EIF3B: variants seen among roughly 807,000 people sequenced by gnomAD.
EIF3B encodes the protein eukaryotic translation initiation factor 3 subunit 9.
EIF3B carries 10 observed loss-of-function variants against 104.6 expected under a neutral mutation model. The observed-to-expected ratio is 0.10, with a 90% confidence interval of 0.06 to 0.16. EIF3B has a LOEUF of 0.16. Among genes scored for constraint, EIF3B ranks in the 10% least tolerant of loss-of-function variants. EIF3B has a pLI of 1.00. For missense variants in EIF3B, 1,014 were observed against 1,087.9 expected (o/e 0.93, Z 0.96); for synonymous variants, 542 against 417.2 (o/e 1.30, Z -3.65).
At position 2,380,541 on chromosome 7, in the gene EIF3B, G is replaced by T. The variant is rs142858802; in HGVS notation, c.*352G>T. On this transcript the variant is annotated 3_prime_UTR_variant, in exon 19 of 19. Transcript: ENST00000360876. ...GACGCCACTGGCGGCACCTTCTCCT[G>T]CGCCCAGTGATGTTTCCACGGTGCC... 9.2e-3 allele frequency: 3,729 copies of T among 405,452 alleles called. 42 individuals are homozygous for T. The highest frequency in any genetic ancestry group is 9.8e-3 in the Middle Eastern group (23 of 2,358). 25.1% of individuals were successfully genotyped at this position (405,452 alleles called of 1,614,324 possible). A position where few individuals can be genotyped will look rare whatever the true frequency, so the allele number is the denominator to read the frequency against.
chr7:2,355,276 A>G lies in EIF3B; in HGVS notation c.355A>G (p.Ser119Gly), dbSNP rs931512806. ...GEQARDERSD[S>G]RAQAVSEDAG... ...GCAGGCTCGGGACGAGCGCTCCGACAGCCGGGCCCAGGCGGTGTCCGAGGA... is the reference window on the plus strand; with the variant it reads ...GCAGGCTCGGGACGAGCGCTCCGACGGCCGGGCCCAGGCGGTGTCCGAGGA... Residue 119 changes from serine to glycine, a missense_variant, in exon 1 of 19, where the codon AGC becomes GGC. By Grantham distance (56) the Ser-to-Gly change is moderately conservative. This residue lies in a region of EIF3B where 488 missense variants were observed against 404.3 expected (regional missense o/e 1.21). Transcript: ENST00000360876. 4.6e-6 allele frequency: 7 copies of G among 1,533,354 alleles called. No homozygotes were observed. The highest frequency in any genetic ancestry group is 2.4e-5 in the South Asian group (2 of 83,656). 95.0% of individuals were successfully genotyped at this position (1,533,354 alleles called of 1,614,324 possible). A position where few individuals can be genotyped will look rare whatever the true frequency, so the allele number is the denominator to read the frequency against.
chr7:2,378,557 C>T, intron 15 of EIF3B, 132 bp from the exon 16 acceptor site: 2 of 696,070 alleles, frequency 2.9e-6, no homozygotes, highest in Non-Finnish European at 2.5e-6. Context: ...GAGAAAGGAG[C>T]ATGCGAGCGC....
At chr7:2,366,226 G>A (rs886944318) in intron 6 of EIF3B, 91 bp from the exon 7 acceptor site, 5 of 1,397,698 alleles carry the variant, frequency 3.6e-6, no homozygotes, top group African/African-American at 2.9e-5. Flanking sequence ...AGCTGGTTCC[G>A]CGAGTTCTGA....
In EIF3B at chr7:2,362,447, G is replaced by A. The variant is rs1300474121; in HGVS notation, c.693-198G>A. On this transcript the variant is annotated intron_variant, in intron 2 of 18. Transcript: ENST00000360876. ...TGAAACTAGAGACTTCGGATCTTCT[G>A]GTTAGGATTTCCCTGTCACTTAGGA... 2.0e-5 allele frequency among the ~76,000 whole-genome samples: 3 copies of A among 152,318 alleles called. No homozygotes were observed. In the East Asian group the frequency reaches 5.8e-4, roughly 29 times the overall value.
At chr7:2,375,584 G>C (rs1780585908) in intron 14 of EIF3B, 57 bp downstream of exon 14, 14 of 1,609,664 alleles carry the variant, frequency 8.7e-6, no homozygotes, top group Admixed American at 1.7e-5. Context: ...GTGCTGGCTA[G>C]CTGCTGACTC....
chr7:2,378,873 G>A (rs989741772), intron 16 of EIF3B, 107 bp downstream of exon 16: 34 of 1,012,174 alleles, frequency 3.4e-5, no homozygotes, highest in African/African-American at 2.1e-4. Context: ...CCTCTGCTCC[G>A]AAGACACTGG....
chr7:2,361,006 A>G, intron 2 of EIF3B, 104 bp downstream of exon 2: 1 of 926,526 alleles, frequency 1.1e-6, no homozygotes, highest in South Asian at 1.8e-5. Flanking sequence ...TTGCCCAGGC[A>G]CGTGGGCCGT....
At chr7:2,377,193 G>A in intron 15 of EIF3B, 118 bp downstream of exon 15, 1 of 1,342,682 alleles carries the variant, frequency 7.4e-7, no homozygotes, top group Non-Finnish European at 9.9e-7. Flanking sequence ...CGTGACATTT[G>A]CAAGGATTCT....
rs1334775573 is a variant in EIF3B at position 2,379,336 on chromosome 7, TCGG to T, written c.2342-54_2342-52del. On this transcript the variant is annotated intron_variant, in intron 17 of 18. Coordinates refer to ENST00000360876, the MANE Select transcript of EIF3B (RefSeq NM_001037283.2). ...ACTCCTGCGTTCCTTCCCACTGGCC[TCGG>T]CGGTGCCACTAGGCATGTGCCCCCA... The T allele has an allele frequency of 2.6e-6, 4 of 1,553,942 alleles. No homozygotes were observed. The Admixed American group carries it at 7.6e-5, about 29-fold the overall frequency.
chr7:2,367,040 G>C lies in EIF3B; in HGVS notation c.1398G>C (p.Gly466=). The change falls in exon 9 of 19, where the codon GGG becomes GGC. Residue 466 remains glycine (G), a synonymous_variant. Transcript: ENST00000360876. ...ACAAGAAGAGTTTGAAGATCTCTGG[G>C]ATAAAGTGAGTATTCTTATCAGTTT... ...LLDKKSLKIS[G]IKDFSWSPGG... 2.5e-6 allele frequency: 4 copies of C among 1,612,532 alleles called. No homozygotes were observed. Among genetic ancestry groups the C allele is most frequent in the Non-Finnish European group, 8.5e-7 (1 of 1,179,590 alleles).
At position 2,367,082 on chromosome 7, in the gene EIF3B, C is replaced by G. The variant is rs1331367226; in HGVS notation, c.1403+37C>G. 2.1e-6 allele frequency: 3 copies of G among 1,461,806 alleles called. No individual in the cohort carries two copies. The South Asian group carries it at 3.6e-5, about 18-fold the overall frequency. The allele number at this position is 1,461,806 out of a possible 1,614,324, so 90.6% of individuals were successfully genotyped here. A position where few individuals can be genotyped will look rare whatever the true frequency, so the allele number is the denominator to read the frequency against. ...TATCAGTTTGGTGTCTTAGTGTGTT[C>G]AGGCTGCTTAACACAATACCAAAAA... On this transcript the variant is annotated intron_variant, in intron 9 of 18. Coordinates refer to ENST00000360876, the MANE Select transcript of EIF3B (RefSeq NM_001037283.2).
At chr7:2,354,625 C>T (rs1181671010), upstream of EIF3B, among the ~76,000 whole-genome samples, 3 of 152,176 alleles carry the variant, frequency 2.0e-5, no homozygotes, top group Non-Finnish European at 1.5e-5. Context: ...ATGGGGTGGT[C>T]AATGCTCCCA....
At chr7:2,368,303 C>T (rs1174615745) in intron 9 of EIF3B, among the ~76,000 whole-genome samples, 3 of 151,986 alleles carry the variant, frequency 2.0e-5, no homozygotes, top group Admixed American at 2.0e-4. Flanking sequence ...ACCACTACGC[C>T]CAGCTAATTT....
rs537472632 is a variant in EIF3B, at chr7:2,378,438, G to A, written c.2155-251G>A. 100 of 374,298 alleles carry A rather than the reference G, an allele frequency of 2.7e-4. 1 individual carries two copies. In the East Asian group the frequency reaches 5.6e-3, roughly 21 times the overall value. 23.2% of individuals were successfully genotyped at this position (374,298 alleles called of 1,614,324 possible). A position where few individuals can be genotyped will look rare whatever the true frequency, so the allele number is the denominator to read the frequency against. The stretch of plus-strand genomic sequence containing the variant: ...GTCATGGAGGAAGGAGCAGGCGCGA[G>A]CGCTCCTGGGAAGCTGTGTTGTGTG... On this transcript the variant is annotated intron_variant, in intron 15 of 18. Coordinates refer to ENST00000360876, the MANE Select transcript of EIF3B (RefSeq NM_001037283.2).
Position 2,363,617 on chromosome 7 carries a change from G to T in EIF3B, c.871-15G>T. ...AAATTAATGAAATGTTATATTCCTTGTCTTTGTTTTTAAGGGGAACTTACG... is the reference window on the plus strand; with the variant it reads ...AAATTAATGAAATGTTATATTCCTTTTCTTTGTTTTTAAGGGGAACTTACG... On this transcript the variant is annotated splice_polypyrimidine_tract_variant and intron_variant, in intron 4 of 18. Coordinates refer to ENST00000360876, the MANE Select transcript of EIF3B (RefSeq NM_001037283.2). The T allele has an allele frequency of 2.5e-6, 4 of 1,590,136 alleles. No homozygotes were observed. The highest frequency in any genetic ancestry group is 1.1e-5 in the South Asian group (1 of 86,958).
chr7:2,366,214 A>C, intron 6 of EIF3B, 103 bp from the exon 7 acceptor site: 6 of 1,278,556 alleles, frequency 4.7e-6, no homozygotes, highest in Non-Finnish European at 5.4e-6. Flanking sequence ...GTTTGGGGAG[A>C]GAGCTGGTTC....
chr7:2,377,595 T>A lies in EIF3B; in HGVS notation c.2154+520T>A, dbSNP rs375074251. On this transcript the variant is annotated intron_variant, in intron 15 of 18. Coordinates refer to ENST00000360876, the MANE Select transcript of EIF3B (RefSeq NM_001037283.2). ...GTTCTGTGAATGACCCTGGGTGTCA[T>A]GGAGGAAGGAGCAGGCGCGAGCTCT... Among the ~76,000 whole-genome samples the A allele has an allele frequency of 8.5e-3, 583 of 68,212 alleles. 2 individuals carry two copies. Among genetic ancestry groups the A allele is most frequent in the African/African-American group, 0.034 (374 of 11,026 alleles). 44.7% of individuals were successfully genotyped at this position (68,212 alleles called of 152,430 possible).
intron 11 of EIF3B, 102 bp from the exon 12 acceptor site, chr7:2,372,571 G>A (rs960118858): frequency 1.6e-5 from 22 of 1,416,412 alleles, no homozygotes; most frequent in Non-Finnish European, 1.8e-5. Context: ...TTTACACGTC[G>A]GGGGATATTT....
intron 1 of EIF3B, among the ~76,000 whole-genome samples, chr7:2,357,612 G>A (rs939184789): frequency 6.6e-6 from 1 of 152,220 alleles, no homozygotes; most frequent in Non-Finnish European, 1.5e-5. Context: ...AACTCTAAAT[G>A]TCTTTTTTGG....
Sources: allele counts gnomAD v4.1 joint callset (sites outside exome capture counted in the v4.1 genomes callset), GRCh38; gene constraint gnomAD v4.1.1; regional missense constraint gnomAD v4.1.1; transcripts MANE v1.5; gene names NCBI Gene and HGNC (gene_info 2026-07-23, HGNC 2026-07-21).